IKBKB-DT: variants seen among roughly 807,000 people sequenced by gnomAD.
IKBKB-DT encodes the protein IKBKB divergent transcript.
chr8:42,252,006 A>G (rs1036418870), intron 3 of IKBKB-DT, among the ~76,000 whole-genome samples: 1 of 152,208 alleles, frequency 6.6e-6, no homozygotes, highest in Admixed American at 6.5e-5. Flanking sequence ...TAGATAAGCA[A>G]GCTGGAAGCT....
At chr8:42,258,426 T>A (rs1002498854) in intron 3 of IKBKB-DT, among the ~76,000 whole-genome samples, 3 of 151,884 alleles carry the variant, frequency 2.0e-5, no homozygotes, top group African/African-American at 7.2e-5. Context: ...ACTACAGGCA[T>A]GTGCCACCAT....
intron 3 of IKBKB-DT, among the ~76,000 whole-genome samples, chr8:42,252,319 G>A (rs546722776): frequency 2.1e-3 from 322 of 152,256 alleles, no homozygotes; most frequent in African/African-American, 7.2e-3. Flanking sequence ...CACAGAACCG[G>A]ATGACCCACT....
chr8:42,248,907 G>A (rs942887090), intron 3 of IKBKB-DT: 2 of 148,942 alleles, frequency 1.3e-5, no homozygotes, highest in South Asian at 2.1e-4. Flanking sequence ...CTCCAAATTT[G>A]CATCACAAAA....
intron 3 of IKBKB-DT, among the ~76,000 whole-genome samples, chr8:42,241,795 A>G (rs1807007384): frequency 6.6e-6 from 1 of 152,230 alleles, no homozygotes; most frequent in East Asian, 1.9e-4. Flanking sequence ...AGTCATGTTA[A>G]TGCTGGCAGG....
At chr8:42,238,505 G>C (rs1279006875) in intron 3 of IKBKB-DT, among the ~76,000 whole-genome samples, 1 of 152,120 alleles carries the variant, frequency 6.6e-6, no homozygotes, top group Non-Finnish European at 1.5e-5. Flanking sequence ...TGATGGGAGG[G>C]GCCCAAATTT....
chr8:42,254,910 C>T (rs535022192), intron 3 of IKBKB-DT, among the ~76,000 whole-genome samples: 2 of 148,376 alleles, frequency 1.3e-5, no homozygotes, highest in Admixed American at 6.7e-5. Context: ...AAGTGAGGAG[C>T]GCCTCTCCCC....
chr8:42,238,859 C>T (rs1806958219), intron 3 of IKBKB-DT, among the ~76,000 whole-genome samples: 1 of 152,182 alleles, frequency 6.6e-6, no homozygotes, highest in African/African-American at 2.4e-5. Context: ...TCCCTAGCCC[C>T]TGCTTGCTAA....
chr8:42,251,855 A>T (rs1807132745), intron 3 of IKBKB-DT, among the ~76,000 whole-genome samples: 1 of 151,824 alleles, frequency 6.6e-6, no homozygotes, highest in Non-Finnish European at 1.5e-5. Context: ...AAAAGAAAAG[A>T]AAAGTAACAA....
At chr8:42,261,791 A>G (rs1194816298) in intron 3 of IKBKB-DT, among the ~76,000 whole-genome samples, 2 of 152,146 alleles carry the variant, frequency 1.3e-5, no homozygotes, top group Admixed American at 6.6e-5. Context: ...TTGTAGGTTG[A>G]CAGACACTGG....
At chr8:42,262,895 T>C (rs1807310570) in intron 3 of IKBKB-DT, among the ~76,000 whole-genome samples, 1 of 152,024 alleles carries the variant, frequency 6.6e-6, no homozygotes, top group South Asian at 2.1e-4. Flanking sequence ...AACACCACCA[T>C]GCCTGGCTAA....
chr8:42,271,210 C>G, exon 1 of IKBKB-DT: 1 of 625,984 alleles, frequency 1.6e-6, no homozygotes, highest in South Asian at 1.7e-5. Flanking sequence ...GGTCGAGGGT[C>G]CCGGGACAGG....
At chr8:42,239,636 T>G (rs2976670) in intron 3 of IKBKB-DT, among the ~76,000 whole-genome samples, 1 of 28,194 alleles carries the variant, frequency 3.5e-5, no homozygotes, top group Non-Finnish European at 7.1e-5. Context: ...ATATATATAT[T>G]TATTTATTTA....
intron 3 of IKBKB-DT, among the ~76,000 whole-genome samples, chr8:42,240,198 G>C (rs536400871): frequency 2.0e-4 from 30 of 150,202 alleles, no homozygotes; most frequent in Admixed American, 1.3e-3. Context: ...TGTGACACCA[G>C]ATGGCAATTT....
chr8:42,251,694 G>A (rs1410891977), intron 3 of IKBKB-DT, among the ~76,000 whole-genome samples: 1 of 152,050 alleles, frequency 6.6e-6, no homozygotes, highest in Non-Finnish European at 1.5e-5. Flanking sequence ...AGCCAGGCAT[G>A]GTGGCAGACA....
chr8:42,238,241 G>A (rs763901685), intron 3 of IKBKB-DT, among the ~76,000 whole-genome samples: 17 of 152,048 alleles, frequency 1.1e-4, no homozygotes, highest in Admixed American at 3.3e-4. Context: ...AGTGGGGAGC[G>A]TGTGAAATCA....
intron 1 of IKBKB-DT, among the ~76,000 whole-genome samples, chr8:42,267,981 AG>A (rs1159184929): frequency 6.6e-6 from 1 of 152,202 alleles, no homozygotes; most frequent in African/African-American, 2.4e-5. Flanking sequence ...ACAGGAGCGC[AG>A]AGTAAACTTT....
intron 1 of IKBKB-DT, among the ~76,000 whole-genome samples, chr8:42,268,953 C>A (rs955970953): frequency 1.3e-5 from 2 of 152,178 alleles, no homozygotes; most frequent in African/African-American, 4.8e-5. Flanking sequence ...ACGTGTGTTA[C>A]AACTATTTAC....
intron 3 of IKBKB-DT, among the ~76,000 whole-genome samples, chr8:42,263,058 G>C (rs1292929290): frequency 6.6e-6 from 1 of 151,436 alleles, no homozygotes; most frequent in African/African-American, 2.4e-5. Context: ...TGTATTTTTA[G>C]TAGAGACAGG....
chr8:42,269,084 G>A (rs1323903932), intron 1 of IKBKB-DT, among the ~76,000 whole-genome samples: 1 of 151,660 alleles, frequency 6.6e-6, no homozygotes, highest in African/African-American at 2.4e-5. Context: ...GGAGGCCAAG[G>A]CGGGAGGATT....
Sources: allele counts gnomAD v4.1 joint callset (sites outside exome capture counted in the v4.1 genomes callset), GRCh38; gene constraint gnomAD v4.1.1; transcripts MANE v1.5; gene names NCBI Gene and HGNC (gene_info 2026-07-23, HGNC 2026-07-21).